LRRC8A: variants seen among roughly 807,000 people sequenced by gnomAD.
LRRC8A encodes the protein leucine rich repeat containing 8 VRAC subunit A.
In LRRC8A, 24 loss-of-function variants were observed where a neutral mutation model predicts 52.5. That is an observed-to-expected ratio of 0.46 (90% CI 0.33 to 0.64). The LOEUF (loss-of-function observed/expected upper bound fraction) is 0.64, where lower values mean the gene tolerates loss of function less well. Among genes scored for constraint, LRRC8A ranks in the 30% least tolerant of loss-of-function variants. The pLI is 0.02. For synonymous variants in LRRC8A, 492 were observed against 494.2 expected, an observed-to-expected ratio of 1.00 and a Z score of 0.06; for missense variants, 677 against 1,094.7, an observed-to-expected ratio of 0.62 and a Z score of 5.38.
In LRRC8A at chr9:128,916,495, T is replaced by TGG. The variant is rs1840828149; in HGVS notation, c.*127_*128dup. 8.0e-7 allele frequency: 1 copy of TGG among 1,246,524 alleles called. No individual in the cohort carries two copies. Among genetic ancestry groups the TGG allele is most frequent in the East Asian group, 2.6e-5 (1 of 39,108 alleles). The allele number at this position is 1,246,524 out of a possible 1,614,324, so 77.2% of individuals were successfully genotyped here. ...ACAGCCTCGTGGCTGGGCAGGAGCCTGGGGCCGCTTGTGAGTCAGGCCAGA... is the reference window on the plus strand; with the variant it reads ...ACAGCCTCGTGGCTGGGCAGGAGCCTGGGGGGCCGCTTGTGAGTCAGGCCAGA... On this transcript the variant is annotated 3_prime_UTR_variant, in exon 4 of 4. Transcript: ENST00000372600. This position sits in a 1 kb window ranked among gnomAD's most constrained non-coding sequence, Gnocchi z 6.1.
Position 128,888,112 on chromosome 9 carries a change from C to T in LRRC8A, c.-9+1991C>T, listed in dbSNP as rs535395592. 2.5e-4 allele frequency among the ~76,000 whole-genome samples: 38 copies of T among 152,112 alleles called. 1 individual carries two copies. Among genetic ancestry groups the T allele is most frequent in the East Asian group, 5.8e-4 (3 of 5,158 alleles). On this transcript the variant is annotated intron_variant, in intron 2 of 3. Coordinates refer to ENST00000372600, the MANE Select transcript of LRRC8A (RefSeq NM_019594.4). ...GGAAGTGCCTGGTGTGTGATTGTGT[C>T]GACTCTCCTGTTTATGGGATAAGGT...
At chr9:128,891,384 C>T (rs1282393834) in intron 2 of LRRC8A, among the ~76,000 whole-genome samples, 2 of 152,068 alleles carry the variant, frequency 1.3e-5, no homozygotes, top group African/African-American at 4.8e-5. Flanking sequence ...GGCAACATAA[C>T]AACCTATCTC....
At chr9:128,915,388 G>A (rs1474757470) in intron 3 of LRRC8A, among the ~76,000 whole-genome samples, 3 of 152,152 alleles carry the variant, frequency 2.0e-5, no homozygotes, top group Admixed American at 6.5e-5. Context: ...GTGCAGTGGC[G>A]CGATGTCGGC....
Position 128,889,148 on chromosome 9 carries a change from C to A in LRRC8A, c.-9+3027C>A, listed in dbSNP as rs549900638. Among the ~76,000 whole-genome samples the A allele has an allele frequency of 2.6e-5, 4 of 152,220 alleles. No homozygotes were observed. In the South Asian group the frequency reaches 8.3e-4, roughly 32 times the overall value. ...GGTTGGTATGGCTTGGCAGCTGGGG[C>A]TCTTTCTACTTCACCCTCCATTACC... On this transcript the variant is annotated intron_variant, in intron 2 of 3. Coordinates refer to ENST00000372600, the MANE Select transcript of LRRC8A (RefSeq NM_019594.4).
intron 1 of LRRC8A, among the ~76,000 whole-genome samples, chr9:128,883,979 A>C (rs1839276845): frequency 1.3e-5 from 2 of 151,316 alleles, no homozygotes; most frequent in Non-Finnish European, 2.9e-5. Context: ...CATCTCAAAA[A>C]AACAAAAAAA....
intron 2 of LRRC8A, among the ~76,000 whole-genome samples, chr9:128,904,997 C>CAAA (rs770042979): frequency 2.3e-4 from 7 of 29,844 alleles, no homozygotes; most frequent in South Asian, 1.0e-3. Context: ...GACTCCGTCT[C>CAAA]AAAAAAAAAA....
intron 3 of LRRC8A, chr9:128,912,818 T>C (rs925121049): frequency 1.3e-5 from 2 of 151,408 alleles, no homozygotes; most frequent in African/African-American, 4.9e-5. Context: ...CCAAGGCAGG[T>C]AGGGATGGAG....
intron 2 of LRRC8A, among the ~76,000 whole-genome samples, chr9:128,895,393 T>C (rs140566971): frequency 6.6e-6 from 1 of 152,252 alleles, no homozygotes; most frequent in Admixed American, 6.5e-5. Flanking sequence ...AGGCTTAGGC[T>C]AAACAATTTG....
At chr9:128,901,350 G>A (rs1840016949) in intron 2 of LRRC8A, among the ~76,000 whole-genome samples, 1 of 152,094 alleles carries the variant, frequency 6.6e-6, no homozygotes, top group South Asian at 2.1e-4. Context: ...TGTAGTGCCA[G>A]CTGCTTGGGA....
chr9:128,911,135 C>T lies in LRRC8A; in HGVS notation c.2157+1814C>T, dbSNP rs73669999. On this transcript the variant is annotated intron_variant, in intron 3 of 3. Transcript: ENST00000372600. The surrounding 1 kb of genome is among the most constrained non-coding windows in gnomAD (Gnocchi z 4.9). The stretch of plus-strand genomic sequence containing the variant: ...ACGGAGGGAGGTGGCCCCTGGAATG[C>T]CCTGTCTGTCCTCCTGGGCCCCAGG... Among the ~76,000 whole-genome samples, 1,917 of 152,220 alleles carry T rather than the reference C, an allele frequency of 0.013. 30 individuals carry two copies. Among genetic ancestry groups the T allele is most frequent in the African/African-American group, 0.041 (1,719 of 41,528 alleles).
intron 3 of LRRC8A, among the ~76,000 whole-genome samples, chr9:128,914,752 C>A (rs922257477): frequency 9.8e-5 from 15 of 152,336 alleles, no homozygotes; most frequent in Non-Finnish European, 7.4e-5. Context: ...AAGGAGGCAG[C>A]CTCGGGACGG....
Position 128,907,370 on chromosome 9 carries a change from T to C in LRRC8A, c.206T>C (p.Phe69Ser). 6.2e-7 allele frequency: 1 copy of C among 1,613,588 alleles called. No individual in the cohort carries two copies. Among genetic ancestry groups the C allele is most frequent in the East Asian group, 2.2e-5 (1 of 44,876 alleles). ...ACCAAGGACTCCTGCAATGATTCGTTCCGGGGCTGGGCAGCCCCTGGCCCG... is the reference window on the plus strand; with the variant it reads ...ACCAAGGACTCCTGCAATGATTCGTCCCGGGGCTGGGCAGCCCCTGGCCCG... ...WVTKDSCNDS[F>S]RGWAAPGPEP... Residue 69 changes from phenylalanine to serine, a missense_variant, in exon 3 of 4, where the codon TTC becomes TCC. Transcript: ENST00000372600. The surrounding 1 kb of genome is among the most constrained non-coding windows in gnomAD (Gnocchi z 9.3).
intron 2 of LRRC8A, among the ~76,000 whole-genome samples, chr9:128,888,231 C>G (rs959826319): frequency 1.3e-5 from 2 of 152,188 alleles, no homozygotes; most frequent in Non-Finnish European, 2.9e-5. Context: ...TGTAGTCTTT[C>G]ATGCTGGGCA....
chr9:128,907,625 A>G lies in LRRC8A; in HGVS notation c.461A>G (p.Glu154Gly). The G allele has an allele frequency of 6.2e-7, 1 of 1,614,136 alleles. No homozygotes were observed. The highest frequency in any genetic ancestry group is 8.5e-7 in the Non-Finnish European group (1 of 1,180,046). Residue 154 changes from glutamate (E) to glycine (G), a missense_variant, in exon 3 of 4, where the codon GAG becomes GGG. Glu to Gly is a moderately conservative substitution (Grantham distance 98). Coordinates refer to ENST00000372600, the MANE Select transcript of LRRC8A (RefSeq NM_019594.4). This position sits in a 1 kb window ranked among gnomAD's most constrained non-coding sequence, Gnocchi z 9.3. ...TTCCCGCGCACCAGCTCGAAGCTGG[A>G]GCACTTTGTGTCTATCCTGCTGAAG... The part of the protein sequence containing the change: ...FKFPRTSSKL[E>G]HFVSILLKCF...
In LRRC8A at chr9:128,899,234, G is replaced by A. The variant is rs540845572; in HGVS notation, c.-8-7923G>A. ...AGCTGTTCCACAGCTCCGCCAGGAC[G>A]CAGTGCCAGCTGAGAGGGCCGAGCA... On this transcript the variant is annotated intron_variant, in intron 2 of 3. Coordinates refer to ENST00000372600, the MANE Select transcript of LRRC8A (RefSeq NM_019594.4). This position sits in a 1 kb window ranked among gnomAD's most constrained non-coding sequence, Gnocchi z 4.0. Among the ~76,000 whole-genome samples the A allele has an allele frequency of 1.9e-4, 29 of 152,322 alleles. No individual in the cohort carries two copies. The highest frequency in any genetic ancestry group is 5.9e-4 in the Admixed American group (9 of 15,294).
At chr9:128,896,436 TGAG>T (rs1389331777) in intron 2 of LRRC8A, among the ~76,000 whole-genome samples, 3 of 152,202 alleles carry the variant, frequency 2.0e-5, no homozygotes, top group Non-Finnish European at 2.9e-5. Context: ...GCATAAATAA[TGAG>T]GAGAGGAGTT....
At chr9:128,893,494 G>A (rs954629414) in intron 2 of LRRC8A, among the ~76,000 whole-genome samples, 2 of 152,200 alleles carry the variant, frequency 1.3e-5, no homozygotes, top group African/African-American at 2.4e-5. Context: ...AGGCCCCAGT[G>A]AGGCAGTAGT....
chr9:128,909,828 A>C (rs2131030951), intron 3 of LRRC8A, among the ~76,000 whole-genome samples: 1 of 152,330 alleles, frequency 6.6e-6, no homozygotes, highest in South Asian at 2.1e-4. Context: ...GTGCTGGCTG[A>C]GGGGAAGCCT....
At chr9:128,887,511 C>T (rs763051247) in intron 2 of LRRC8A, among the ~76,000 whole-genome samples, 1 of 152,024 alleles carries the variant, frequency 6.6e-6, no homozygotes, top group Non-Finnish European at 1.5e-5. Context: ...TGCTGATTCT[C>T]ATCTTCAGAG....
Sources: gnomAD v4.1 joint callset for allele counts (sites outside exome capture counted in the v4.1 genomes callset) on GRCh38, gnomAD v4.1.1 for gene constraint, Gnocchi (gnomAD v3.1) non-coding constraint, MANE v1.5 for transcripts, NCBI Gene and HGNC (gene_info 2026-07-23, HGNC 2026-07-21) for gene names.